Variants in EIF4G1 observed in about 807,000 individuals in gnomAD.
EIF4G1 encodes the protein EIF4-gamma.
EIF4G1 carries 4 observed loss-of-function variants against 187.8 expected under a neutral mutation model. That is an observed-to-expected ratio of 0.02 (90% CI 0.01 to 0.05). EIF4G1 has a LOEUF of 0.05. Ranked by LOEUF, EIF4G1 falls within the 10% of genes least tolerant of loss-of-function variation. EIF4G1 has a pLI of 1.00. For missense variants in EIF4G1, 1,647 were observed against 2,081.1 expected (o/e 0.79, Z 4.06); for synonymous variants, 844 against 781.4 (o/e 1.08, Z -1.34).
At position 184,324,363 on chromosome 3, in the gene EIF4G1, C is replaced by T. The variant is rs1405622860; in HGVS notation, c.2619+16C>T. On this transcript the variant is annotated intron_variant, in intron 17 of 32. Transcript: ENST00000346169. ...AGCTGCTACGGTGAGAGAAAACCCACTATCGATTCCACTCACCACTTACCT... is the reference window on the plus strand; with the variant it reads ...AGCTGCTACGGTGAGAGAAAACCCATTATCGATTCCACTCACCACTTACCT... 3 of 1,614,060 alleles carry T rather than the reference C, an allele frequency of 1.9e-6. No homozygotes were observed. Among genetic ancestry groups the T allele is most frequent in the African/African-American group, 2.7e-5 (2 of 74,940 alleles).
chr3:184,322,753 A>G (rs1476733861), intron 12 of EIF4G1, 23 bp downstream of exon 12: 1 of 1,614,098 alleles, frequency 6.2e-7, no homozygotes, highest in Non-Finnish European at 8.5e-7. Context: ...AAGGGTTGAG[A>G]ATGGCTTGAG....
chr3:184,321,711 C>T lies in EIF4G1; in HGVS notation c.1127C>T (p.Ser376Leu). 1 of 1,592,868 alleles carries T rather than the reference C, an allele frequency of 6.3e-7. No individual in the cohort carries two copies. ...PSEDLEPEVE[S>L]SPELAPPPAC... ...GAAGATCTGGAACCAGAGGTGGAGT[C>T]AAGCCCAGAGCTTGCTCCTCCCCCA... The change falls in exon 10 of 33, where the codon TCA becomes TTA. Residue 376 changes from serine to leucine, a missense_variant. Ser to Leu is a moderately radical substitution (Grantham distance 145, BLOSUM62 -2). This residue lies in a region of EIF4G1 where 522 missense variants were observed against 485.2 expected (regional missense o/e 1.08). Coordinates refer to ENST00000346169, the MANE Select transcript of EIF4G1 (RefSeq NM_198241.3).
Position 184,321,070 on chromosome 3 carries a change from T to C in EIF4G1, c.697+77T>C, listed in dbSNP as rs535476713. On this transcript the variant is annotated intron_variant, in intron 9 of 32. Coordinates refer to ENST00000346169, the MANE Select transcript of EIF4G1 (RefSeq NM_198241.3). ...TTAAATGCTGAGGTGGTGGAGTGAC[T>C]TGAACTGGGTACCAGAGAATGATGA... The C allele has an allele frequency of 1.4e-4, 216 of 1,556,016 alleles. 1 individual carries two copies. In the East Asian group the frequency reaches 4.2e-3, roughly 30 times the overall value.
At chr3:184,316,820 A>G (rs1379354818) in intron 4 of EIF4G1, 1 of 1,405,464 alleles carries the variant, frequency 7.1e-7, no homozygotes, top group East Asian at 2.3e-5. Flanking sequence ...GGGAATGGGG[A>G]TCTTCAGGGT....
At position 184,321,958 on chromosome 3, in the gene EIF4G1, A is replaced by G. The variant is rs1560214554; in HGVS notation, c.1374A>G (p.Glu458=). The G allele has an allele frequency of 1.9e-6, 3 of 1,602,834 alleles. No individual in the cohort carries two copies. The highest frequency in any genetic ancestry group is 1.7e-6 in the Non-Finnish European group (2 of 1,171,890). Residue 458 remains glutamate (E), a synonymous_variant, in exon 10 of 33, where the codon GAA becomes GAG. Transcript: ENST00000346169. The stretch of plus-strand genomic sequence containing the variant: ...CCCCAGCTCAGGAGGAGGAAATGGA[A>G]GAAGAAGAAGAAGAGGAAGAAGGAG... The part of the protein sequence containing the change: ...ATSPAQEEEM[E]EEEEEEEGEA...
chr3:184,329,050 T>C, intron 28 of EIF4G1, 60 bp downstream of exon 28: 32 of 1,593,714 alleles, frequency 2.0e-5, no homozygotes, highest in Non-Finnish European at 2.7e-5. Flanking sequence ...CTGTTTGCTG[T>C]GGCCCTGAAG....
At chr3:184,332,278 G>A (rs1387351428) in intron 32 of EIF4G1, among the ~76,000 whole-genome samples, 192 bp downstream of exon 32, 1 of 152,272 alleles carries the variant, frequency 6.6e-6, no homozygotes, top group African/African-American at 2.4e-5. Flanking sequence ...GTTAGACACA[G>A]CCTTGAAGGG....
Position 184,335,273 on chromosome 3 carries a change from C to A in EIF4G1, c.*365C>A. ...CGCTGCTGGGGGCATATGCCCCAGC[C>A]CCTGTACCACCCCTGCTGTTGCCTG... On this transcript the variant is annotated 3_prime_UTR_variant, in exon 33 of 33. Coordinates refer to ENST00000346169, the MANE Select transcript of EIF4G1 (RefSeq NM_198241.3). The A allele has an allele frequency of 3.7e-6, 1 of 273,070 alleles. No homozygotes were observed. The allele number at this position is 273,070 out of a possible 1,614,324, so 16.9% of individuals were successfully genotyped here. A position where few individuals can be genotyped will look rare whatever the true frequency, so the allele number is the denominator to read the frequency against.
chr3:184,330,535 C>T (rs1725856014), intron 28 of EIF4G1, among the ~76,000 whole-genome samples: 1 of 152,086 alleles, frequency 6.6e-6, no homozygotes, highest in Admixed American at 6.5e-5. Flanking sequence ...TAGTCTATTG[C>T]CCCTTACAGA....
At position 184,334,925 on chromosome 3, in the gene EIF4G1, G is replaced by T; in HGVS notation, c.*17G>T. ...CACAACTGAGGGCTGGTGGGGCCGG[G>T]GACCTGGAGCCCCATGGACACACAG... On this transcript the variant is annotated 3_prime_UTR_variant, in exon 33 of 33. Coordinates refer to ENST00000346169, the MANE Select transcript of EIF4G1 (RefSeq NM_198241.3). The surrounding 1 kb of genome is among the most constrained non-coding windows in gnomAD (Gnocchi z 5.8). 3 of 1,613,504 alleles carry T rather than the reference G, an allele frequency of 1.9e-6. No homozygotes were observed. Among genetic ancestry groups the T allele is most frequent in the Non-Finnish European group, 2.5e-6 (3 of 1,179,920 alleles).
At position 184,323,105 on chromosome 3, in the gene EIF4G1, C is replaced by T. The variant is rs536619277; in HGVS notation, c.1952C>T (p.Pro651Leu). 6.2e-7 allele frequency: 1 copy of T among 1,614,218 alleles called. No homozygotes were observed. Among genetic ancestry groups the T allele is most frequent in the South Asian group, 1.1e-5 (1 of 91,088 alleles). Residue 651 changes from proline to leucine, a missense_variant, in exon 14 of 33, where the codon CCA (proline) becomes CTA (leucine). Around this residue, in one of 11 missense-constraint regions of EIF4G1, gnomAD observed 140 missense variants for 222.2 expected, o/e 0.63. Transcript: ENST00000346169. The surrounding 1 kb of genome is among the most constrained non-coding windows in gnomAD (Gnocchi z 6.9). ...LDKANKTPLR[P>L]LDPTRLQGIN... ...CAGGCCAATAAAACACCACTGCGGC[C>T]ACTGGATCCCACTAGACTACAAGGC...
intron 28 of EIF4G1, among the ~76,000 whole-genome samples, chr3:184,329,977 A>G (rs998223534): frequency 2.6e-5 from 4 of 152,254 alleles, no homozygotes; most frequent in African/African-American, 9.6e-5. Flanking sequence ...ATTCTTTTAA[A>G]TAGACGTGTA....
At chr3:184,330,778 G>A (rs1336702820) in intron 28 of EIF4G1, among the ~76,000 whole-genome samples, 1 of 151,978 alleles carries the variant, frequency 6.6e-6, no homozygotes, top group Non-Finnish European at 1.5e-5. Context: ...GTCTCGCTGT[G>A]TCGCCCAGGC....
rs112545306 is a variant in EIF4G1 at position 184,322,040 on chromosome 3, C to G, written c.1456C>G (p.Pro486Ala). The G allele has an allele frequency of 1.1e-5, 18 of 1,614,096 alleles. No homozygotes were observed. The highest frequency in any genetic ancestry group is 6.7e-5 in the East Asian group (3 of 44,876). ...SEKGGEELLP[P>A]ESTPIPANLS... ...GAAAGGAGGAGAGGAACTGCTCCCC[C>G]CAGAGAGTACCCCTATTCCAGCCAA... is the stretch of plus-strand genomic sequence containing the variant. The change falls in exon 10 of 33, where the codon CCA (proline) becomes GCA (alanine). Residue 486 changes from proline (P) to alanine (A), a missense_variant. Physicochemically the swap from Pro to Ala is conservative, Grantham distance 27. This residue lies in a region of EIF4G1 where 522 missense variants were observed against 485.2 expected (regional missense o/e 1.08). Transcript: ENST00000346169.
intron 26 of EIF4G1, chr3:184,328,329 T>A: frequency 2.1e-6 from 1 of 483,880 alleles, no homozygotes; most frequent in Non-Finnish European, 3.8e-6. Flanking sequence ...AGGTGGAGGT[T>A]GCAGTGAGCC....
chr3:184,332,826 C>T (rs970009561), intron 32 of EIF4G1, among the ~76,000 whole-genome samples: 3 of 152,126 alleles, frequency 2.0e-5, no homozygotes, highest in African/African-American at 7.2e-5. Context: ...GCAACCAGTC[C>T]TAAGTGAGGC....
chr3:184,317,823 A>G lies in EIF4G1; in HGVS notation c.424+7A>G, dbSNP rs1192014995. The G allele has an allele frequency of 1.9e-6, 3 of 1,604,770 alleles. No individual in the cohort carries two copies. Among genetic ancestry groups the G allele is most frequent in the Middle Eastern group, 1.6e-4 (1 of 6,064 alleles). ...ACAGAATTTGGGACCTACGGTAAGC[A>G]GGGGAGGGAGTCAGAGGTGAGAACA... On this transcript the variant is annotated splice_region_variant and intron_variant, in intron 6 of 32. Coordinates refer to ENST00000346169, the MANE Select transcript of EIF4G1 (RefSeq NM_198241.3).
At chr3:184,320,536 G>A (rs1723716047) in intron 7 of EIF4G1, 94 bp from the exon 8 acceptor site, 1 of 1,605,778 alleles carries the variant, frequency 6.2e-7, no homozygotes, top group Non-Finnish European at 8.5e-7. Context: ...TCCCGCTGGG[G>A]GGTGGGGAGT....
At chr3:184,330,296 T>C (rs1024488937) in intron 28 of EIF4G1, among the ~76,000 whole-genome samples, 1 of 152,084 alleles carries the variant, frequency 6.6e-6, no homozygotes, top group Non-Finnish European at 1.5e-5. Context: ...GGAGAATTGC[T>C]TGAACCCAGG....
Sources: gnomAD v4.1 joint callset for allele counts (sites outside exome capture counted in the v4.1 genomes callset) on GRCh38, gnomAD v4.1.1 for gene constraint, gnomAD v4.1.1 regional missense constraint, Gnocchi (gnomAD v3.1) non-coding constraint, MANE v1.5 for transcripts, NCBI Gene and HGNC (gene_info 2026-07-23, HGNC 2026-07-21) for gene names.